Variants in GPC5 observed in about 807,000 individuals in gnomAD.
GPC5 encodes the protein glypican 5, also known as glypican-5.
A neutral mutation model predicts 53.9 loss-of-function variants in GPC5; 47 were observed. The observed-to-expected ratio is 0.87, with a 90% CI of 0.69 to 1.11. The LOEUF (loss-of-function observed/expected upper bound fraction) is 1.11, where lower values mean the gene tolerates loss of function less well. GPC5 is among the 50% of genes most tolerant of loss of function. The pLI, the probability that GPC5 is intolerant of heterozygous loss-of-function variation, is 0.00. For missense variants in GPC5, 748 were observed against 713.1 expected (o/e 1.05, Z -0.56); for synonymous variants, 286 against 263.3 (o/e 1.09, Z -0.84).
At chr13:92,012,342 A>T (rs2138776609) in intron 6 of GPC5, among the ~76,000 whole-genome samples, 1 of 152,326 alleles carries the variant, frequency 6.6e-6, no homozygotes, top group East Asian at 1.9e-4. Flanking sequence ...GTATTAAATT[A>T]TAAAATAAAC....
intron 7 of GPC5, among the ~76,000 whole-genome samples, chr13:92,811,023 CATA>C (rs1877279230): frequency 6.6e-6 from 1 of 151,808 alleles, no homozygotes. Flanking sequence ...CCCAGCCCAG[CATA>C]ATGTTTTTAA....
rs58356455 is a variant in GPC5, at chr13:92,527,108, A to AAAAGAAAGAAAGAAAGAAAG, written c.1562-339128_1562-339109dup. Among the ~76,000 whole-genome samples the AAAAGAAAGAAAGAAAGAAAG allele has an allele frequency of 2.6e-4, 10 of 39,058 alleles. 1 individual carries two copies. The highest frequency in any genetic ancestry group is 7.0e-4 in the Admixed American group (2 of 2,862). The allele number at this position is 39,058 out of a possible 152,430, so 25.6% of individuals were successfully genotyped here. On this transcript the variant is annotated intron_variant, in intron 7 of 7. Coordinates refer to ENST00000377067, the MANE Select transcript of GPC5 (RefSeq NM_004466.6). The stretch of plus-strand genomic sequence containing the variant: ...TGAGATTCTGTAGGAAAAGAAAGAA[A>AAAAGAAAGAAAGAAAGAAAG]AAAGAAAGAAAGAAAGAAAGAAAGA...
intron 7 of GPC5, among the ~76,000 whole-genome samples, chr13:92,596,381 T>C (rs1209979177): frequency 1.3e-5 from 2 of 152,132 alleles, no homozygotes; most frequent in African/African-American, 4.8e-5. Flanking sequence ...ACTAAGATAT[T>C]AGAAAAATCT....
At chr13:92,061,439 A>G (rs9523495) in intron 6 of GPC5, among the ~76,000 whole-genome samples, 79,961 of 151,772 alleles carry the variant, frequency 0.53, 21,745 homozygotes, top group East Asian at 0.79. Flanking sequence ...TGAAAATGCT[A>G]AGAAATTTAG....
intron 6 of GPC5, among the ~76,000 whole-genome samples, chr13:92,041,637 G>A (rs776627121): frequency 1.3e-5 from 2 of 152,200 alleles, no homozygotes. Flanking sequence ...GCTGCCAGGT[G>A]TTGGAGTTGT....
intron 1 of GPC5, among the ~76,000 whole-genome samples, chr13:91,426,767 C>A (rs999032840): frequency 3.9e-5 from 6 of 152,112 alleles, no homozygotes; most frequent in Non-Finnish European, 8.8e-5. Context: ...TTAGATGGTG[C>A]CCACCAAGAT....
intron 7 of GPC5, among the ~76,000 whole-genome samples, chr13:92,310,369 T>C (rs970810730): frequency 2.0e-5 from 3 of 152,194 alleles, no homozygotes; most frequent in South Asian, 4.1e-4. Flanking sequence ...TGAATGCTTT[T>C]GTATTGACTC....
At chr13:91,520,472 T>C (rs1159677422) in intron 2 of GPC5, among the ~76,000 whole-genome samples, 1 of 152,168 alleles carries the variant, frequency 6.6e-6, no homozygotes, top group African/African-American at 2.4e-5. Flanking sequence ...CTTGCAGGCC[T>C]TAAGAGAGAA....
chr13:92,344,190 G>A lies in GPC5; in HGVS notation c.1561+199201G>A, dbSNP rs545087391. On this transcript the variant is annotated intron_variant, in intron 7 of 7. Coordinates refer to ENST00000377067, the MANE Select transcript of GPC5 (RefSeq NM_004466.6). ...CAGGAAACCTATAATCATGGCAGAAGGGGAAGCAAACACACCCTTCTTCAC... is the reference window on the plus strand; with the variant it reads ...CAGGAAACCTATAATCATGGCAGAAAGGGAAGCAAACACACCCTTCTTCAC... Among the ~76,000 whole-genome samples the A allele has an allele frequency of 5.5e-4, 83 of 152,252 alleles. 3 individuals carry two copies. In the South Asian group the frequency reaches 0.017, roughly 31 times the overall value.
chr13:92,152,907 A>T (rs1385622032), intron 7 of GPC5, among the ~76,000 whole-genome samples: 2 of 152,186 alleles, frequency 1.3e-5, no homozygotes, highest in Non-Finnish European at 2.9e-5. Context: ...CTCTGAACAC[A>T]TTTCACTGAA....
At chr13:91,402,268 G>GT (rs1877011161) in intron 1 of GPC5, among the ~76,000 whole-genome samples, 1 of 152,190 alleles carries the variant, frequency 6.6e-6, no homozygotes, top group Non-Finnish European at 1.5e-5. Flanking sequence ...GTCTGTGAAA[G>GT]TAACTTTTCC....
chr13:92,644,692 G>T (rs1413030500), intron 7 of GPC5, among the ~76,000 whole-genome samples: 2 of 152,048 alleles, frequency 1.3e-5, no homozygotes, highest in Non-Finnish European at 2.9e-5. Context: ...ATGAAATATT[G>T]TAATATATTA....
At chr13:92,219,582 A>C (rs1483933820) in intron 7 of GPC5, among the ~76,000 whole-genome samples, 1 of 152,110 alleles carries the variant, frequency 6.6e-6, no homozygotes, top group Non-Finnish European at 1.5e-5. Flanking sequence ...ATGGCAGATG[A>C]GAAATTGAAA....
chr13:91,911,459 G>C (rs565678741), intron 6 of GPC5, among the ~76,000 whole-genome samples: 1 of 152,032 alleles, frequency 6.6e-6, no homozygotes, highest in South Asian at 2.1e-4. Context: ...CAGGAGAATC[G>C]CTTGAACCCA....
At chr13:92,388,279 A>G (rs1015444075) in intron 7 of GPC5, among the ~76,000 whole-genome samples, 3 of 152,092 alleles carry the variant, frequency 2.0e-5, no homozygotes, top group African/African-American at 7.2e-5. Flanking sequence ...TAATTCATAT[A>G]TAAGAGTGGA....
At chr13:92,516,289 A>T (rs1346739506) in intron 7 of GPC5, among the ~76,000 whole-genome samples, 1 of 152,202 alleles carries the variant, frequency 6.6e-6, no homozygotes, top group Non-Finnish European at 1.5e-5. Context: ...CATATTAGTA[A>T]TTTGGAAATT....
At chr13:92,536,053 GTTA>G (rs935199297) in intron 7 of GPC5, among the ~76,000 whole-genome samples, 6 of 152,050 alleles carry the variant, frequency 3.9e-5, no homozygotes, top group Middle Eastern at 3.2e-3. Flanking sequence ...AATATTAATA[GTTA>G]TTATATGAAA....
intron 5 of GPC5, among the ~76,000 whole-genome samples, chr13:91,845,447 G>A (rs994793183): frequency 1.3e-5 from 2 of 151,972 alleles, no homozygotes; most frequent in African/African-American, 2.4e-5. Context: ...TTAACTAACA[G>A]ATCTACCACC....
chr13:92,393,179 G>A (rs1180204326), intron 7 of GPC5, among the ~76,000 whole-genome samples: 2 of 152,108 alleles, frequency 1.3e-5, no homozygotes, highest in Admixed American at 1.3e-4. Flanking sequence ...ACTGGATAGA[G>A]AGGATGTGCT....
Sources: gnomAD v4.1 joint callset for allele counts (sites outside exome capture counted in the v4.1 genomes callset) on GRCh38, gnomAD v4.1.1 for gene constraint, MANE v1.5 for transcripts, NCBI Gene and HGNC (gene_info 2026-07-23, HGNC 2026-07-21) for gene names.